Variants in NRIP1 observed in about 807,000 individuals in gnomAD.
NRIP1 encodes the protein nuclear receptor-interacting protein 1.
In NRIP1, 28 loss-of-function variants were observed where a neutral mutation model predicts 75.0. The ratio of observed to expected loss-of-function variants is 0.37; its 90% confidence interval spans 0.28 to 0.51. The LOEUF is 0.51. NRIP1 is among the 20% of genes least tolerant of loss of function. NRIP1 has a pLI of 0.92. For missense variants in NRIP1, 1,435 were observed against 1,343.7 expected (o/e 1.07, Z -1.06); for synonymous variants, 526 against 487.6 (o/e 1.08, Z -1.04).
chr21:15,037,135 CA>C (rs2088853799), intron 2 of NRIP1, among the ~76,000 whole-genome samples: 1 of 152,068 alleles, frequency 6.6e-6, no homozygotes, highest in African/African-American at 2.4e-5. Context: ...TTCTACATAT[CA>C]CAGTAAGTTA....
intron 3 of NRIP1, among the ~76,000 whole-genome samples, chr21:14,997,958 G>A (rs1254519310): frequency 6.6e-6 from 1 of 152,036 alleles, no homozygotes; most frequent in Non-Finnish European, 1.5e-5. Flanking sequence ...GTAATTGGAA[G>A]GAAAGGGTTA....
intron 2 of NRIP1, among the ~76,000 whole-genome samples, chr21:15,018,454 C>T (rs1246890118): frequency 1.3e-5 from 2 of 151,990 alleles, no homozygotes; most frequent in Non-Finnish European, 2.9e-5. Flanking sequence ...TAAGGAAAAG[C>T]AAAAGCTTCT....
intron 2 of NRIP1, among the ~76,000 whole-genome samples, chr21:15,036,237 A>G (rs2088830406): frequency 6.6e-6 from 1 of 152,250 alleles, no homozygotes; most frequent in Admixed American, 6.5e-5. Flanking sequence ...TACTGCCCAC[A>G]TAATCTAGAT....
chr21:15,038,997 T>C (rs577512080), intron 2 of NRIP1, among the ~76,000 whole-genome samples: 4 of 152,240 alleles, frequency 2.6e-5, no homozygotes, highest in East Asian at 3.9e-4. Context: ...TTTCATTGTA[T>C]TTTTAAAGGT....
At chr21:14,981,832 A>C (rs1227812069) in intron 3 of NRIP1, among the ~76,000 whole-genome samples, 1 of 149,864 alleles carries the variant, frequency 6.7e-6, no homozygotes, top group Non-Finnish European at 1.5e-5. Flanking sequence ...TGATCTCTTC[A>C]CTATTTAGTA....
chr21:15,009,480 G>A (rs1013113818), intron 3 of NRIP1, among the ~76,000 whole-genome samples: 1 of 152,178 alleles, frequency 6.6e-6, no homozygotes, highest in African/African-American at 2.4e-5. Flanking sequence ...AGCACTGAAA[G>A]ACACAATTTT....
At chr21:14,993,655 C>T (rs2087634142) in intron 3 of NRIP1, among the ~76,000 whole-genome samples, 2 of 151,902 alleles carry the variant, frequency 1.3e-5, no homozygotes, top group Admixed American at 1.3e-4. Context: ...TGTGGTGGCA[C>T]GTGCCTGTTG....
intron 3 of NRIP1, among the ~76,000 whole-genome samples, chr21:15,011,335 G>A (rs549810910): frequency 2.2e-4 from 34 of 152,076 alleles, no homozygotes; most frequent in South Asian, 6.2e-4. Flanking sequence ...GACTACAGGC[G>A]CCCGCCATGG....
chr21:15,061,817 A>G (rs553978312), intron 1 of NRIP1, among the ~76,000 whole-genome samples: 3 of 152,170 alleles, frequency 2.0e-5, no homozygotes, highest in Non-Finnish European at 4.4e-5. Flanking sequence ...AATTACTTCT[A>G]TGTCATTGTC....
rs1008361870 is a variant in NRIP1 at position 14,963,093 on chromosome 21, A to C, written c.*1623T>G. 6.6e-6 allele frequency: 1 copy of C among 152,220 alleles called. No individual in the cohort carries two copies. Among genetic ancestry groups the C allele is most frequent in the Non-Finnish European group, 1.5e-5 (1 of 67,950 alleles). The allele number at this position is 152,220 out of a possible 1,614,324, so 9.4% of individuals were successfully genotyped here. ...AAGACAGTATCAACATGTACTTTTC[A>C]TCACTACTTTAAAGTAAAAGATCCA... On this transcript the variant is annotated 3_prime_UTR_variant, in exon 4 of 4. Coordinates refer to ENST00000318948, the MANE Select transcript of NRIP1 (RefSeq NM_003489.4).
rs1391658480 is a variant in NRIP1 at position 14,962,394 on chromosome 21, A to C, written c.*2322T>G. 1 of 152,184 alleles carries C rather than the reference A, an allele frequency of 6.6e-6. No homozygotes were observed. The highest frequency in any genetic ancestry group is 1.9e-4 in the East Asian group (1 of 5,182). The allele number at this position is 152,184 out of a possible 1,614,324, so 9.4% of individuals were successfully genotyped here. A position where few individuals can be genotyped will look rare whatever the true frequency, so the allele number is the denominator to read the frequency against. On this transcript the variant is annotated 3_prime_UTR_variant, in exon 4 of 4. Coordinates refer to ENST00000318948, the MANE Select transcript of NRIP1 (RefSeq NM_003489.4). ...TCATTCCTTTGTTAACAACAACGAA[A>C]ACAACCAGCCAACCAAAAAAACAAA... is the stretch of plus-strand genomic sequence containing the variant.
chr21:14,965,710 T>C lies in NRIP1; in HGVS notation c.2483A>G (p.Asp828Gly). 1 of 1,613,868 alleles carries C rather than the reference T, an allele frequency of 6.2e-7. No homozygotes were observed. Among genetic ancestry groups the C allele is most frequent in the Non-Finnish European group, 8.5e-7 (1 of 1,179,980 alleles). Residue 828 changes from aspartate to glycine, a missense_variant, in exon 4 of 4, where the codon GAT (aspartate) becomes GGT (glycine). By Grantham distance (94) the Asp-to-Gly change is moderately conservative. Transcript: ENST00000318948. The part of the protein sequence containing the change: ...LLSRLLRQNQ[D>G]SYLADDSDRS... ...GTCTGAATCATCTGCCAGGTAACTA[T>C]CTTGATTTTGTCTTAGCAATCGACT... is the stretch of plus-strand genomic sequence containing the variant.
chr21:15,032,235 C>T (rs1410736092), intron 2 of NRIP1, among the ~76,000 whole-genome samples: 1 of 152,230 alleles, frequency 6.6e-6, no homozygotes, highest in Non-Finnish European at 1.5e-5. Flanking sequence ...AACAAGAACT[C>T]TTCAAATTCT....
intron 1 of NRIP1, among the ~76,000 whole-genome samples, chr21:15,054,691 C>A (rs1426757021): frequency 6.6e-6 from 1 of 152,200 alleles, no homozygotes; most frequent in Non-Finnish European, 1.5e-5. Context: ...AAAGGTTCTA[C>A]TGCTGTGCCA....
intron 3 of NRIP1, among the ~76,000 whole-genome samples, chr21:14,969,720 T>C (rs1018205078): frequency 2.0e-5 from 3 of 152,328 alleles, no homozygotes; most frequent in African/African-American, 7.2e-5. Context: ...AAGACTACCC[T>C]GTAGCTTTTT....
chr21:15,040,977 A>ACC (rs2088939255), intron 2 of NRIP1, among the ~76,000 whole-genome samples: 1 of 152,036 alleles, frequency 6.6e-6, no homozygotes, highest in Non-Finnish European at 1.5e-5. Context: ...ACATCCCACC[A>ACC]CCCAGCAGTT....
intron 3 of NRIP1, among the ~76,000 whole-genome samples, chr21:14,985,178 G>A (rs1318807448): frequency 6.6e-6 from 1 of 152,210 alleles, no homozygotes; most frequent in Non-Finnish European, 1.5e-5. Context: ...GCACCTAGCA[G>A]AGGCAGCATT....
At chr21:15,011,310 C>T (rs1040161178) in intron 3 of NRIP1, among the ~76,000 whole-genome samples, 17 of 152,288 alleles carry the variant, frequency 1.1e-4, no homozygotes, top group African/African-American at 3.8e-4. Flanking sequence ...CTGCCTCAGC[C>T]TCCCGAGTAG....
intron 1 of NRIP1, among the ~76,000 whole-genome samples, chr21:15,046,248 A>C (rs1375249766): frequency 1.3e-5 from 2 of 152,226 alleles, no homozygotes; most frequent in African/African-American, 4.8e-5. Flanking sequence ...AAGACTTGAA[A>C]GTTGAAATTA....
Sources: gnomAD v4.1 joint callset for allele counts (sites outside exome capture counted in the v4.1 genomes callset) on GRCh38, gnomAD v4.1.1 for gene constraint, MANE v1.5 for transcripts, NCBI Gene and HGNC (gene_info 2026-07-23, HGNC 2026-07-21) for gene names.